PRKAR2B: variants seen among roughly 807,000 people sequenced by gnomAD.
PRKAR2B encodes the protein protein kinase cAMP-dependent type II regulatory subunit beta.
A neutral mutation model predicts 49.9 loss-of-function variants in PRKAR2B; 14 were observed. That is an observed-to-expected ratio of 0.28 (90% CI 0.19 to 0.44). PRKAR2B has a LOEUF of 0.44. Among genes scored for constraint, PRKAR2B ranks in the 20% least tolerant of loss-of-function variants. PRKAR2B has a pLI of 1.00. For synonymous variants in PRKAR2B, 196 were observed against 197.7 expected (o/e 0.99, Z 0.07); for missense variants, 393 against 537.9 (o/e 0.73, Z 2.67).
chr7:107,121,692 A>G (rs1288702101), intron 2 of PRKAR2B, among the ~76,000 whole-genome samples: 1 of 152,156 alleles, frequency 6.6e-6, no homozygotes, highest in Non-Finnish European at 1.5e-5. Context: ...TGAAAATGAA[A>G]AGGTTTAAGC....
intron 1 of PRKAR2B, among the ~76,000 whole-genome samples, chr7:107,054,569 C>T (rs1229963410): frequency 1.3e-5 from 2 of 152,124 alleles, no homozygotes; most frequent in African/African-American, 4.8e-5. Context: ...GACGTTAATA[C>T]TATCAATATG....
chr7:107,087,825 C>T (rs1358871253), intron 2 of PRKAR2B, among the ~76,000 whole-genome samples: 1 of 152,142 alleles, frequency 6.6e-6, no homozygotes, highest in Non-Finnish European at 1.5e-5. Context: ...TTGAATTAGT[C>T]TTCCTCTTCT....
At position 107,159,854 on chromosome 7, in the gene PRKAR2B, T is replaced by C; in HGVS notation, c.*272T>C. 3.1e-6 allele frequency: 1 copy of C among 327,390 alleles called. No homozygotes were observed. The allele number at this position is 327,390 out of a possible 1,614,324, so 20.3% of individuals were successfully genotyped here. On this transcript the variant is annotated 3_prime_UTR_variant, in exon 11 of 11. Transcript: ENST00000265717. ...ACTGAAAGGTTTATTAAAATGATTG[T>C]AATATATAGAAAGTATCTGTGTTTA... is the stretch of plus-strand genomic sequence containing the variant.
chr7:107,135,209 A>G (rs369718785), intron 4 of PRKAR2B, among the ~76,000 whole-genome samples: 2 of 152,196 alleles, frequency 1.3e-5, no homozygotes, highest in East Asian at 3.8e-4. Context: ...CAACGTGGTT[A>G]GTCGTTAGAG....
chr7:107,118,590 C>A (rs576965047), intron 2 of PRKAR2B, among the ~76,000 whole-genome samples: 2 of 152,284 alleles, frequency 1.3e-5, no homozygotes, highest in African/African-American at 4.8e-5. Context: ...CTTGTAACAT[C>A]TTTGGAAGCA....
chr7:107,113,998 C>G (rs1795220660), intron 2 of PRKAR2B, among the ~76,000 whole-genome samples: 1 of 152,102 alleles, frequency 6.6e-6, no homozygotes. Context: ...GATAGGATTC[C>G]TTTGATAAAC....
At chr7:107,144,024 C>T (rs1387439077) in intron 5 of PRKAR2B, among the ~76,000 whole-genome samples, 1 of 151,912 alleles carries the variant, frequency 6.6e-6, no homozygotes, top group South Asian at 2.1e-4. Flanking sequence ...TCATTCTATC[C>T]GTGAATGACA....
chr7:107,054,179 C>G (rs1793866456), intron 1 of PRKAR2B, among the ~76,000 whole-genome samples: 1 of 152,114 alleles, frequency 6.6e-6, no homozygotes, highest in African/African-American at 2.4e-5. Flanking sequence ...GAAACCCCGT[C>G]TCTACTAAAA....
At chr7:107,114,883 C>T (rs1320781358) in intron 2 of PRKAR2B, among the ~76,000 whole-genome samples, 1 of 151,818 alleles carries the variant, frequency 6.6e-6, no homozygotes, top group African/African-American at 2.4e-5. Context: ...TTTTTAGAAA[C>T]ATAAAAACAT....
At chr7:107,059,696 A>ATGTGTGTG (rs10692192) in intron 1 of PRKAR2B, among the ~76,000 whole-genome samples, 5,439 of 149,604 alleles carry the variant, frequency 0.036, 97 homozygotes, top group Middle Eastern at 0.053. Context: ...GCTGTAGTGA[A>ATGTGTGTG]TGTGTGTGTG....
At chr7:107,089,264 AG>A in intron 2 of PRKAR2B, among the ~76,000 whole-genome samples, 1 of 152,220 alleles carries the variant, frequency 6.6e-6, no homozygotes, top group African/African-American at 2.4e-5. Context: ...AATAAGTGGC[AG>A]GAAAAAAATG....
intron 1 of PRKAR2B, among the ~76,000 whole-genome samples, chr7:107,056,489 C>G (rs1793914425): frequency 6.6e-6 from 1 of 152,128 alleles, no homozygotes; most frequent in Non-Finnish European, 1.5e-5. Context: ...TCTTTTATTT[C>G]ATTGAGCAGT....
At chr7:107,139,943 A>G (rs1795761955) in intron 4 of PRKAR2B, among the ~76,000 whole-genome samples, 1 of 152,212 alleles carries the variant, frequency 6.6e-6, no homozygotes, top group Non-Finnish European at 1.5e-5. Context: ...TACCTTCTGT[A>G]TGCCCATAAG....
chr7:107,051,794 T>TA (rs1025316859), intron 1 of PRKAR2B, among the ~76,000 whole-genome samples: 5 of 151,866 alleles, frequency 3.3e-5, no homozygotes, highest in Non-Finnish European at 7.4e-5. Flanking sequence ...GTTTCTTAAT[T>TA]AAAAAAAAGA....
intron 2 of PRKAR2B, among the ~76,000 whole-genome samples, chr7:107,087,489 T>G (rs376558542): frequency 6.6e-6 from 1 of 152,202 alleles, no homozygotes; most frequent in East Asian, 1.9e-4. Context: ...TCTAAGTGCT[T>G]TACATGTATT....
Position 107,157,055 on chromosome 7 carries a change from C to T in PRKAR2B, c.984+6C>T. ...AAATTACTATGAAAAGAAAGGTAAG[C>T]ATTCTAAGTCCTCAGAACCCACATA... is the stretch of plus-strand genomic sequence containing the variant. On this transcript the variant is annotated splice_donor_region_variant and intron_variant, in intron 9 of 10. Coordinates refer to ENST00000265717, the MANE Select transcript of PRKAR2B (RefSeq NM_002736.3). 1 of 1,609,624 alleles carries T rather than the reference C, an allele frequency of 6.2e-7. No individual in the cohort carries two copies. The highest frequency in any genetic ancestry group is 8.5e-7 in the Non-Finnish European group (1 of 1,175,946).
At chr7:107,055,524 A>G (rs528974694) in intron 1 of PRKAR2B, among the ~76,000 whole-genome samples, 120 of 152,256 alleles carry the variant, frequency 7.9e-4, no homozygotes, top group African/African-American at 2.7e-3. Flanking sequence ...GTGAGATGGT[A>G]TCTCATTGTG....
At chr7:107,048,805 C>T (rs1172616211) in intron 1 of PRKAR2B, among the ~76,000 whole-genome samples, 1 of 152,166 alleles carries the variant, frequency 6.6e-6, no homozygotes, top group Non-Finnish European at 1.5e-5. Flanking sequence ...CTCTTCCAGT[C>T]TTATAAATTC....
chr7:107,050,627 CA>C (rs1256131577), intron 1 of PRKAR2B, among the ~76,000 whole-genome samples: 10 of 152,010 alleles, frequency 6.6e-5, no homozygotes, highest in African/African-American at 2.4e-4. Flanking sequence ...TAAAGTCCTA[CA>C]GTGGAGGTTG....
Sources: allele counts gnomAD v4.1 joint callset (sites outside exome capture counted in the v4.1 genomes callset), GRCh38; gene constraint gnomAD v4.1.1; transcripts MANE v1.5; gene names NCBI Gene and HGNC (gene_info 2026-07-23, HGNC 2026-07-21).